Variants in IFT81 observed in about 807,000 individuals in gnomAD.
IFT81 encodes intraflagellar transport protein 81 homolog.
Under a neutral mutation model 102.6 loss-of-function variants are expected in IFT81, and 72 were observed. The observed-to-expected ratio is 0.70, with a 90% CI of 0.58 to 0.85. The LOEUF (loss-of-function observed/expected upper bound fraction) is 0.85, where lower values mean the gene tolerates loss of function less well. Ranked by LOEUF, IFT81 falls within the 40% of genes least tolerant of loss-of-function variation. The pLI is 0.00. For missense variants in IFT81, 723 were observed against 787.3 expected (o/e 0.92, Z 0.98); for synonymous variants, 237 against 242.7 (o/e 0.98, Z 0.22).
At chr12:110,177,573 C>T (rs951370871) in intron 11 of IFT81, among the ~76,000 whole-genome samples, 25 of 152,154 alleles carry the variant, frequency 1.6e-4, no homozygotes, top group South Asian at 4.2e-4. Context: ...TATGAGCCAC[C>T]GCACCTGACC....
intron 14 of IFT81, among the ~76,000 whole-genome samples, chr12:110,197,799 G>A (rs566635807): frequency 2.6e-5 from 4 of 151,978 alleles, no homozygotes; most frequent in East Asian, 1.9e-4. Context: ...CGCAACTTCC[G>A]CCTCCTGGGT....
chr12:110,198,731 G>A (rs1384481273), intron 14 of IFT81, among the ~76,000 whole-genome samples: 1 of 149,864 alleles, frequency 6.7e-6, no homozygotes, highest in Non-Finnish European at 1.5e-5. Flanking sequence ...GTCTAATATT[G>A]TTTATTTCAT....
At chr12:110,181,517 A>G (rs571816408) in intron 12 of IFT81, among the ~76,000 whole-genome samples, 5 of 152,326 alleles carry the variant, frequency 3.3e-5, no homozygotes, top group Admixed American at 2.6e-4. Flanking sequence ...GTAGTCTTGC[A>G]TTATGGCCCA....
intron 17 of IFT81, 104 bp from the exon 18 acceptor site, chr12:110,209,067 A>AT (rs1476299762): frequency 1.8e-6 from 1 of 566,732 alleles, no homozygotes; most frequent in East Asian, 3.2e-5. Flanking sequence ...ACCCTAAACT[A>AT]TATTGCCTAG....
chr12:110,143,456 G>A lies in IFT81; in HGVS notation c.856G>A (p.Glu286Lys). 6.4e-7 allele frequency: 1 copy of A among 1,551,056 alleles called. No individual in the cohort carries two copies. The highest frequency in any genetic ancestry group is 8.6e-7 in the Non-Finnish European group (1 of 1,157,610). The part of the protein sequence containing the change: ...MVTEKFPKEL[E>K]NKKKELHFLQ... ...AACTGAAAAATTTCCTAAAGAATTA[G>A]AAAATAAGAAAAAGGAATTACATTT... is the stretch of plus-strand genomic sequence containing the variant. Residue 286 changes from glutamate (E) to lysine (K), a missense_variant, in exon 9 of 19, where the codon GAA (glutamate) becomes AAA (lysine). Glu to Lys is a moderately conservative substitution (Grantham distance 56, BLOSUM62 1). Coordinates refer to ENST00000242591, the MANE Select transcript of IFT81 (RefSeq NM_014055.4).
At chr12:110,168,514 C>G in intron 11 of IFT81, 1 of 883,164 alleles carries the variant, frequency 1.1e-6, no homozygotes, top group Non-Finnish European at 1.4e-6. Flanking sequence ...AACGATTATA[C>G]TACATTAATT....
Position 110,203,881 on chromosome 12 carries a change from T to C in IFT81, c.1575T>C (p.Cys525=). 2 of 1,612,794 alleles carry C rather than the reference T, an allele frequency of 1.2e-6. No individual in the cohort carries two copies. Among genetic ancestry groups the C allele is most frequent in the Non-Finnish European group, 1.7e-6 (2 of 1,178,824 alleles). ...TATACTAGGAACTGACCCAGGAGTG[T>C]GATGAAAAGAAATCCCAGTATGATA... ...RQKYQELTQE[C]DEKKSQYDSC... is the part of the protein sequence containing the mutation. Residue 525 remains cysteine (C), a synonymous_variant, in exon 15 of 19, where the codon TGT becomes TGC. Coordinates refer to ENST00000242591, the MANE Select transcript of IFT81 (RefSeq NM_014055.4).
At chr12:110,208,991 T>C (rs1421007836) in intron 17 of IFT81, among the ~76,000 whole-genome samples, 180 bp from the exon 18 acceptor site, 1 of 152,172 alleles carries the variant, frequency 6.6e-6, no homozygotes, top group Non-Finnish European at 1.5e-5. Context: ...TACTATTTAC[T>C]TGAAGAACTA....
chr12:110,133,459 GAA>G (rs10710074), intron 5 of IFT81, among the ~76,000 whole-genome samples: 28 of 133,362 alleles, frequency 2.1e-4, no homozygotes, highest in East Asian at 6.6e-4. Context: ...TCTGTCTCCA[GAA>G]AAAAAAAAAA....
At chr12:110,139,336 C>CAAAAAA (rs398044810) in intron 8 of IFT81, among the ~76,000 whole-genome samples, 5 of 52,360 alleles carry the variant, frequency 9.5e-5, no homozygotes, top group Admixed American at 4.3e-4. Context: ...GACTCTGTCT[C>CAAAAAA]AAAAAAAAAA....
intron 18 of IFT81, among the ~76,000 whole-genome samples, chr12:110,217,728 A>AT (rs1277505967): frequency 9.8e-4 from 148 of 150,800 alleles, no homozygotes; most frequent in African/African-American, 3.1e-3. Flanking sequence ...TGCCTGGCTA[A>AT]TTTTTTTTTG....
intron 10 of IFT81, among the ~76,000 whole-genome samples, chr12:110,154,876 A>G (rs1175449715): frequency 6.6e-6 from 1 of 151,834 alleles, no homozygotes; most frequent in African/African-American, 2.4e-5. Context: ...TCAGTTTTCT[A>G]TATGTCTGCT....
At chr12:110,126,150 C>A (rs1447032562) in intron 1 of IFT81, among the ~76,000 whole-genome samples, 2 of 152,002 alleles carry the variant, frequency 1.3e-5, no homozygotes, top group African/African-American at 4.8e-5. Flanking sequence ...TGCTGGCAGG[C>A]GCCTGTAGTC....
intron 17 of IFT81, 113 bp downstream of exon 17, chr12:110,205,793 A>T: frequency 1.7e-6 from 1 of 597,418 alleles, no homozygotes; most frequent in Non-Finnish European, 2.9e-6. Flanking sequence ...AGACACTAAG[A>T]TATTATTTAA....
chr12:110,214,439 C>T (rs1266351192), intron 18 of IFT81, among the ~76,000 whole-genome samples: 1 of 151,948 alleles, frequency 6.6e-6, no homozygotes, highest in African/African-American at 2.4e-5. Flanking sequence ...CAGAACAAAC[C>T]CAGCCTTTCA....
chr12:110,179,834 A>G (rs564294558), intron 11 of IFT81, among the ~76,000 whole-genome samples: 4 of 143,188 alleles, frequency 2.8e-5, no homozygotes, highest in Admixed American at 7.2e-5. Flanking sequence ...TATTAAACAT[A>G]TACACATAAT....
intron 14 of IFT81, among the ~76,000 whole-genome samples, chr12:110,197,248 GTAGATAGATAGATAGA>G (rs57797208): frequency 0.028 from 4,088 of 147,126 alleles, 82 homozygotes; most frequent in Middle Eastern, 0.083. Context: ...AGGTAGGTAG[GTAGATAGATAGATAGA>G]TAGATAGATA....
chr12:110,213,135 C>A (rs183569252), intron 18 of IFT81, among the ~76,000 whole-genome samples: 6 of 152,268 alleles, frequency 3.9e-5, no homozygotes, highest in Non-Finnish European at 8.8e-5. Context: ...ACATCCAATA[C>A]CCAATGTTCA....
intron 18 of IFT81, among the ~76,000 whole-genome samples, chr12:110,217,615 G>A (rs1870303003): frequency 6.6e-6 from 1 of 151,880 alleles, no homozygotes; most frequent in African/African-American, 2.4e-5. Context: ...AAGCTGGAGT[G>A]TAGTGGCGTG....
Sources: allele counts gnomAD v4.1 joint callset (sites outside exome capture counted in the v4.1 genomes callset), GRCh38; gene constraint gnomAD v4.1.1; transcripts MANE v1.5; gene names NCBI Gene and HGNC (gene_info 2026-07-23, HGNC 2026-07-21).